B9D1: variants seen among roughly 807,000 people sequenced by gnomAD.
B9D1 encodes the protein B9 domain containing 1, also known as B9 domain-containing protein 1.
A neutral mutation model predicts 26.1 loss-of-function variants in B9D1; 20 were observed. The observed-to-expected ratio is 0.77, with a 90% confidence interval of 0.54 to 1.12. The LOEUF (loss-of-function observed/expected upper bound fraction) is 1.12. Among genes scored for constraint, B9D1 ranks in the 50% most tolerant of loss-of-function variants. The pLI, the probability that B9D1 is intolerant of heterozygous loss-of-function variation, is 0.00. For synonymous variants in B9D1, 105 were observed against 103.1 expected (o/e 1.02, Z -0.11); for missense variants, 260 against 273.7 (o/e 0.95, Z 0.35).
At position 19,343,792 on chromosome 17, in the gene B9D1, T is replaced by A. The variant is rs1169808869; in HGVS notation, c.470A>T (p.Glu157Val). 1 of 1,612,942 alleles carries A rather than the reference T, an allele frequency of 6.2e-7. No individual in the cohort carries two copies. The highest frequency in any genetic ancestry group is 8.5e-7 in the Non-Finnish European group (1 of 1,179,132). Residue 157 changes from glutamate to valine, a missense_variant and splice_region_variant, in exon 6 of 7, where the codon GAA (glutamate) becomes GTA (valine). Transcript: ENST00000261499. ...TAAGAGAGGGGAGGGAGCTTTACCT[T>A]CCCGGCCTTCACCCTGAGCCACCAC... ...PKVVAQGEGR[E>V]VTRVRSQGFV...
At position 19,369,635 on chromosome 17, in the gene B9D1, C is replaced by G. The variant is rs188577618; in HGVS notation, c.-298+8224G>C. ...GGGGGAAAGCTGAGAGGCCGAGGAG[C>G]AGGCAGATGTGGTCATCCAGGTAGG... On this transcript the variant is annotated intron_variant, in intron 1 of 5. Transcript: ENST00000477478. Among the ~76,000 whole-genome samples the G allele has an allele frequency of 1.1e-4, 17 of 152,140 alleles. No individual in the cohort carries two copies. In the East Asian group the frequency reaches 3.3e-3, roughly 29 times the overall value.
At chr17:19,341,337 A>G, downstream of B9D1, 1 of 1,231,578 alleles carries the variant, frequency 8.1e-7, no homozygotes, top group East Asian at 3.2e-5. Flanking sequence ...CTGTGATAAA[A>G]TGGGGCAGAG....
Position 19,359,116 on chromosome 17 carries a change from T to C in B9D1, c.133-1165A>G, listed in dbSNP as rs1910720100. On this transcript the variant is annotated intron_variant, in intron 2 of 6. Transcript: ENST00000261499. The surrounding 1 kb of genome is among the most constrained non-coding windows in gnomAD (Gnocchi z 5.0). The stretch of plus-strand genomic sequence containing the variant: ...TGCCCTCCTCTCCCATCTCCACTGC[T>C]GTCAGAGCCAACTGGGCTGCCTGCT... Among the ~76,000 whole-genome samples, 1 of 152,224 alleles carries C rather than the reference T, an allele frequency of 6.6e-6. No homozygotes were observed. The highest frequency in any genetic ancestry group is 1.5e-5 in the Non-Finnish European group (1 of 68,044).
Position 19,370,511 on chromosome 17 carries a change from T to C in B9D1, c.-298+7348A>G, listed in dbSNP as rs116227958. Among the ~76,000 whole-genome samples, 393 of 152,350 alleles carry C rather than the reference T, an allele frequency of 2.6e-3. No homozygotes were observed. The highest frequency in any genetic ancestry group is 9.3e-3 in the African/African-American group (387 of 41,580). On this transcript the variant is annotated intron_variant, in intron 1 of 5. Transcript: ENST00000477478. This position sits in a 1 kb window ranked among gnomAD's most constrained non-coding sequence, Gnocchi z 5.1. ...GGCAAACACAGGCCTTGGGGAATGTTCTGGGATGGGCGATGTCAGCCTCAG... is the reference window on the plus strand; with the variant it reads ...GGCAAACACAGGCCTTGGGGAATGTCCTGGGATGGGCGATGTCAGCCTCAG...
chr17:19,351,853 C>T (rs1409958769), intron 3 of B9D1, among the ~76,000 whole-genome samples: 1 of 152,054 alleles, frequency 6.6e-6, no homozygotes. Flanking sequence ...GTAACATGTT[C>T]CTTTTTCATT....
chr17:19,364,887 C>G (rs1911504018), upstream of B9D1, among the ~76,000 whole-genome samples: 1 of 152,258 alleles, frequency 6.6e-6, no homozygotes, highest in South Asian at 2.1e-4. The surrounding 1 kb of genome is among the most constrained non-coding windows in gnomAD (Gnocchi z 4.3). Flanking sequence ...AGGCTGGAAG[C>G]TGGCTTGAGC....
intron 5 of B9D1, among the ~76,000 whole-genome samples, chr17:19,345,821 G>T (rs1908696708): frequency 6.6e-6 from 1 of 152,170 alleles, no homozygotes; most frequent in Non-Finnish European, 1.5e-5. Flanking sequence ...GGAGGATGTG[G>T]GGAGAGGCTG....
upstream of B9D1, chr17:19,362,772 C>CACATGGGGG: frequency 2.8e-6 from 2 of 722,340 alleles, no homozygotes; most frequent in Non-Finnish European, 4.3e-6. Context: ...GCACAAGGGG[C>CACATGGGGG]GGGGATCCAC....
intron 3 of B9D1, among the ~76,000 whole-genome samples, chr17:19,355,560 T>C (rs950720101): frequency 1.4e-5 from 2 of 147,764 alleles, no homozygotes; most frequent in Non-Finnish European, 1.5e-5. Context: ...CTGGGCGTGG[T>C]GGCTCACGCC....
At chr17:19,375,919 C>CA (rs1912077834) in intron 1 of B9D1, among the ~76,000 whole-genome samples, 1 of 152,020 alleles carries the variant, frequency 6.6e-6, no homozygotes, top group Non-Finnish European at 1.5e-5. Flanking sequence ...AACATGTCCA[C>CA]AAAAAAACTT....
chr17:19,358,299 C>T (rs1333153316), intron 2 of B9D1, among the ~76,000 whole-genome samples: 5 of 152,130 alleles, frequency 3.3e-5, no homozygotes, highest in South Asian at 2.1e-4. Flanking sequence ...GTATCCCCAT[C>T]GGTAAATACG....
In B9D1 at chr17:19,356,681, C is replaced by T. The variant is rs531677466; in HGVS notation, c.244+1159G>A. Reference sequence around the variant, plus strand: ...GTCTTGATCAGTCTCTCAATCACCTCTATTGAAATCAGCAAACACTCCCAG... The same window carrying T: ...GTCTTGATCAGTCTCTCAATCACCTTTATTGAAATCAGCAAACACTCCCAG... On this transcript the variant is annotated intron_variant, in intron 3 of 6. Transcript: ENST00000261499. 6.6e-5 allele frequency among the ~76,000 whole-genome samples: 10 copies of T among 152,308 alleles called. No individual in the cohort carries two copies. The South Asian group carries it at 2.1e-3, about 32-fold the overall frequency.
At chr17:19,354,805 G>C (rs552832496) in intron 3 of B9D1, among the ~76,000 whole-genome samples, 1 of 152,168 alleles carries the variant, frequency 6.6e-6, no homozygotes, top group Admixed American at 6.5e-5. Flanking sequence ...TACAGCCTGG[G>C]TGACAGAGCA....
At chr17:19,337,917 A>G (rs1223858980), downstream of B9D1, among the ~76,000 whole-genome samples, 2 of 142,320 alleles carry the variant, frequency 1.4e-5, no homozygotes, top group Non-Finnish European at 1.5e-5. Flanking sequence ...GGAGGGTGGG[A>G]GGTGGGGAAA....
chr17:19,361,599 A>C (rs1324630198), intron 1 of B9D1, among the ~76,000 whole-genome samples: 1 of 152,116 alleles, frequency 6.6e-6, no homozygotes, highest in African/African-American at 2.4e-5. Flanking sequence ...AGACGGTCTT[A>C]GGCACTAGGC....
chr17:19,376,731 G>A (rs1019472192), intron 1 of B9D1, among the ~76,000 whole-genome samples: 2 of 149,866 alleles, frequency 1.3e-5, no homozygotes, highest in African/African-American at 4.9e-5. Flanking sequence ...AGGTTGCAGT[G>A]AGCCGAGATC....
Position 19,372,742 on chromosome 17 carries a change from C to T in B9D1, c.-298+5117G>A, listed in dbSNP as rs1445188337. On this transcript the variant is annotated intron_variant, in intron 1 of 5. Transcript: ENST00000477478. The surrounding 1 kb of genome is among the most constrained non-coding windows in gnomAD (Gnocchi z 4.4). ...TCCATGTGACGGAGCTGGATTCAAA[C>T]CCAGGTGTTTCTGAAACCAAAGCGT... 6.6e-6 allele frequency among the ~76,000 whole-genome samples: 1 copy of T among 152,200 alleles called. No individual in the cohort carries two copies. Among genetic ancestry groups the T allele is most frequent in the East Asian group, 1.9e-4 (1 of 5,202 alleles).
intron 3 of B9D1, among the ~76,000 whole-genome samples, chr17:19,355,645 C>T (rs965830002): frequency 2.1e-4 from 32 of 150,788 alleles, no homozygotes; most frequent in Non-Finnish European, 3.7e-4. Flanking sequence ...CTGGCTAACA[C>T]GGTGAAACCC....
chr17:19,347,226 C>T lies in B9D1; in HGVS notation c.404+43G>A, dbSNP rs1908939103. Reference sequence around the variant, plus strand: ...GGGGTAGAATGGGACATCCATTCATCCAGTAGATCAGGAGGGGCTGGGGTT... The same window carrying T: ...GGGGTAGAATGGGACATCCATTCATTCAGTAGATCAGGAGGGGCTGGGGTT... On this transcript the variant is annotated intron_variant, in intron 5 of 6. Transcript: ENST00000261499. The surrounding 1 kb of genome is among the most constrained non-coding windows in gnomAD (Gnocchi z 4.3). 6.2e-7 allele frequency: 1 copy of T among 1,614,168 alleles called. No individual in the cohort carries two copies. Among genetic ancestry groups the T allele is most frequent in the Non-Finnish European group, 8.5e-7 (1 of 1,180,024 alleles).
Sources: allele counts gnomAD v4.1 joint callset (sites outside exome capture counted in the v4.1 genomes callset), GRCh38; gene constraint gnomAD v4.1.1; non-coding constraint Gnocchi (gnomAD v3.1); transcripts MANE v1.5; gene names NCBI Gene and HGNC (gene_info 2026-07-23, HGNC 2026-07-21).